Variants in BLTP3A observed in about 807,000 individuals in gnomAD.
The protein encoded by BLTP3A is bridge-like lipid transfer protein family member 3A, also known as ICBP90 binding protein 1.
At chr6:34,796,795 C>A in the BLTP3A span, among the ~76,000 whole-genome samples, 4 of 152,334 alleles carry the variant, frequency 2.6e-5, no homozygotes, top group Middle Eastern at 3.4e-3. Flanking sequence ...CCTCTGCCCC[C>A]CCGAGTTCAA....
the BLTP3A span, among the ~76,000 whole-genome samples, chr6:34,822,708 T>G: frequency 6.6e-6 from 1 of 151,938 alleles, no homozygotes; most frequent in Admixed American, 6.6e-5. Context: ...ATACAAAAAA[T>G]TAGCCAGGTG....
the BLTP3A span, among the ~76,000 whole-genome samples, chr6:34,820,647 A>G: frequency 7.0e-6 from 1 of 142,978 alleles, no homozygotes; most frequent in Admixed American, 7.2e-5. Flanking sequence ...TTATTCATGG[A>G]CTTTCTGTGT....
At chr6:34,854,888 C>A in the BLTP3A span, among the ~76,000 whole-genome samples, 239 of 152,280 alleles carry the variant, frequency 1.6e-3, 1 homozygote, top group African/African-American at 5.4e-3. Context: ...AATAGGGTGA[C>A]CCAGACAATA....
chr6:34,845,184 G>A, the BLTP3A span, among the ~76,000 whole-genome samples: 1 of 152,078 alleles, frequency 6.6e-6, no homozygotes, highest in African/African-American at 2.4e-5. Context: ...GTATGGATTT[G>A]TTTCTGAGTT....
chr6:34,813,586 G>C, the BLTP3A span, among the ~76,000 whole-genome samples: 1 of 152,282 alleles, frequency 6.6e-6, no homozygotes, highest in Non-Finnish European at 1.5e-5. Context: ...CCACATACTT[G>C]AAGTGGAATA....
the BLTP3A span, among the ~76,000 whole-genome samples, chr6:34,840,551 A>G: frequency 6.6e-6 from 1 of 151,294 alleles, no homozygotes; most frequent in Admixed American, 6.6e-5. Context: ...GGGGGACAAG[A>G]GCGAGACTTT....
At chr6:34,856,513 A>T in the BLTP3A span, 28 of 1,431,674 alleles carry the variant, frequency 2.0e-5, no homozygotes, top group African/African-American at 3.9e-4. Context: ...TCCCAGCTGT[A>T]TGTAATGGAG....
At chr6:34,847,921 CTTT>C in the BLTP3A span, among the ~76,000 whole-genome samples, 1 of 91,152 alleles carries the variant, frequency 1.1e-5, no homozygotes, top group African/African-American at 5.2e-5. Context: ...TCTTTTTTTC[CTTT>C]TTTTTTTTTT....
the BLTP3A span, among the ~76,000 whole-genome samples, chr6:34,817,049 A>G: frequency 2.0e-4 from 30 of 152,352 alleles, no homozygotes; most frequent in African/African-American, 6.7e-4. Context: ...ATTACAAATA[A>G]TGTTGAGTTC....
the BLTP3A span, among the ~76,000 whole-genome samples, chr6:34,835,108 G>T: frequency 6.6e-6 from 1 of 152,066 alleles, no homozygotes; most frequent in Non-Finnish European, 1.5e-5. Flanking sequence ...CCTGGCAGTT[G>T]ACTATTGCTT....
the BLTP3A span, among the ~76,000 whole-genome samples, chr6:34,830,524 A>G: frequency 1.6e-4 from 25 of 151,952 alleles, no homozygotes; most frequent in East Asian, 2.3e-3. Context: ...TGGGAGGCAG[A>G]TGTTGTAGTG....
At chr6:34,817,875 G>T in the BLTP3A span, among the ~76,000 whole-genome samples, 5 of 149,722 alleles carry the variant, frequency 3.3e-5, no homozygotes, top group Admixed American at 6.7e-5. Context: ...TTTTGGGGGG[G>T]TGGAGTCTCG....
the BLTP3A span, chr6:34,821,663 A>T: frequency 1.2e-6 from 2 of 1,611,312 alleles, no homozygotes; most frequent in Non-Finnish European, 1.7e-6. Context: ...GTTCACTAAG[A>T]ATCTTTCCCC....
chr6:34,852,204 T>G, the BLTP3A span, among the ~76,000 whole-genome samples: 1 of 152,092 alleles, frequency 6.6e-6, no homozygotes, highest in Admixed American at 6.5e-5. Flanking sequence ...TCTCTCCTTG[T>G]GGTCACCACA....
At chr6:34,852,002 G>A in the BLTP3A span, among the ~76,000 whole-genome samples, 10 of 152,252 alleles carry the variant, frequency 6.6e-5, no homozygotes, top group East Asian at 1.9e-3. Flanking sequence ...TCAGGTCTGG[G>A]TCTCTCCTTT....
chr6:34,814,416 C>T, the BLTP3A span, among the ~76,000 whole-genome samples: 34 of 129,428 alleles, frequency 2.6e-4, no homozygotes, highest in East Asian at 5.7e-3. Flanking sequence ...TTGAATAAGG[C>T]AGTATCCATT....
At chr6:34,844,560 C>T in the BLTP3A span, among the ~76,000 whole-genome samples, 1 of 152,198 alleles carries the variant, frequency 6.6e-6, no homozygotes, top group Admixed American at 6.5e-5. Context: ...CAGGCATGAG[C>T]CACTGTACCC....
the BLTP3A span, chr6:34,876,450 G>C: frequency 6.6e-6 from 1 of 152,116 alleles, no homozygotes; most frequent in Non-Finnish European, 1.5e-5. Context: ...GTGCAAAGAA[G>C]GTAGTTTGAA....
chr6:34,858,805 C>A, the BLTP3A span: 1 of 1,614,090 alleles, frequency 6.2e-7, no homozygotes, highest in South Asian at 1.1e-5. Context: ...AGCAGATGTT[C>A]ATATGCTTGT....
Sources: gnomAD v4.1 joint callset for allele counts (sites outside exome capture counted in the v4.1 genomes callset) on GRCh38, gnomAD v4.1.1 for gene constraint, MANE v1.5 for transcripts, NCBI Gene and HGNC (gene_info 2026-07-23, HGNC 2026-07-21) for gene names.